Variants in GLRA3 observed in about 807,000 individuals in gnomAD.
The protein encoded by GLRA3 is glycine receptor subunit alpha-3.
In GLRA3, 44 loss-of-function variants were observed where a neutral mutation model predicts 60.4. That is an observed-to-expected ratio of 0.73 (90% CI 0.57 to 0.94). GLRA3 has a LOEUF of 0.94. Among genes scored for constraint, GLRA3 ranks in the 40% least tolerant of loss-of-function variants. The pLI is 0.00. For missense variants in GLRA3, 508 were observed against 564.6 expected, an observed-to-expected ratio of 0.90 and a Z score of 1.02; for synonymous variants, 223 against 192.9, an observed-to-expected ratio of 1.16 and a Z score of -1.29.
At chr4:174,746,283 A>G (rs1737242902) in intron 3 of GLRA3, among the ~76,000 whole-genome samples, 1 of 152,204 alleles carries the variant, frequency 6.6e-6, no homozygotes, top group African/African-American at 2.4e-5. Context: ...AAAATGTGTC[A>G]TATATACACC....
Position 174,822,043 on chromosome 4 carries a change from T to C in GLRA3, c.71+6698A>G, listed in dbSNP as rs188982562. On this transcript the variant is annotated intron_variant, in intron 1 of 9. Coordinates refer to ENST00000274093, the MANE Select transcript of GLRA3 (RefSeq NM_006529.4). Reference sequence around the variant, plus strand: ...GTAAAACAAAGACCAGAAATGATTCTATCCCCATGGGAGTTAAAATTTAGA... The same window carrying C: ...GTAAAACAAAGACCAGAAATGATTCCATCCCCATGGGAGTTAAAATTTAGA... Among the ~76,000 whole-genome samples, 7 of 152,330 alleles carry C rather than the reference T, an allele frequency of 4.6e-5. No homozygotes were observed. The East Asian group carries it at 1.2e-3, about 25-fold the overall frequency.
intron 5 of GLRA3, among the ~76,000 whole-genome samples, chr4:174,712,991 TGTGA>T (rs1735777317): frequency 1.9e-5 from 2 of 104,264 alleles, no homozygotes; most frequent in African/African-American, 2.9e-5. Flanking sequence ...GTATATTACA[TGTGA>T]GTGTGTGTAT....
intron 3 of GLRA3, among the ~76,000 whole-genome samples, chr4:174,729,340 T>C (rs1333896562): frequency 6.6e-6 from 1 of 152,340 alleles, no homozygotes. Flanking sequence ...AAAATGACCA[T>C]ATACACTTTT....
chr4:174,656,188 C>T (rs10018305), intron 9 of GLRA3, among the ~76,000 whole-genome samples: 45,435 of 151,898 alleles, frequency 0.3, 7,972 homozygotes, highest in Admixed American at 0.47. Context: ...TCTTTGTGAC[C>T]TCTTTTTATT....
chr4:174,674,044 A>G (rs1199762981), intron 7 of GLRA3, among the ~76,000 whole-genome samples: 1 of 152,088 alleles, frequency 6.6e-6, no homozygotes, highest in Non-Finnish European at 1.5e-5. Context: ...GTTGCTACCA[A>G]TCTTGCCAGA....
chr4:174,810,110 G>T (rs1259227434), intron 1 of GLRA3, among the ~76,000 whole-genome samples: 1 of 152,078 alleles, frequency 6.6e-6, no homozygotes, highest in Non-Finnish European at 1.5e-5. Flanking sequence ...CAGAATCTTT[G>T]GTCTCATGGA....
intron 3 of GLRA3, among the ~76,000 whole-genome samples, chr4:174,734,126 A>G (rs530072715): frequency 2.0e-5 from 3 of 152,196 alleles, no homozygotes; most frequent in Non-Finnish European, 4.4e-5. Flanking sequence ...GTTTTAAAAA[A>G]TCCTAATCAG....
intron 4 of GLRA3, chr4:174,722,655 T>A (rs879091209): frequency 6.3e-6 from 1 of 159,914 alleles, no homozygotes; most frequent in Non-Finnish European, 1.5e-5. Flanking sequence ...TTCCTTTTTT[T>A]AATGGGGTTT....
At chr4:174,685,064 G>A (rs67013670) in intron 5 of GLRA3, among the ~76,000 whole-genome samples, 64,210 of 151,910 alleles carry the variant, frequency 0.42, 14,103 homozygotes, top group Middle Eastern at 0.54. Flanking sequence ...AGGTCTGTGA[G>A]GCAGCACAGA....
At chr4:174,782,870 T>G (rs1220711809) in intron 2 of GLRA3, among the ~76,000 whole-genome samples, 2 of 152,066 alleles carry the variant, frequency 1.3e-5, no homozygotes, top group African/African-American at 4.8e-5. Flanking sequence ...GAAGAATCAA[T>G]ATCCTGAAAA....
intron 1 of GLRA3, among the ~76,000 whole-genome samples, chr4:174,800,317 T>G (rs2111339171): frequency 6.6e-6 from 1 of 152,244 alleles, no homozygotes; most frequent in Non-Finnish European, 1.5e-5. Flanking sequence ...TTAAGAAGAT[T>G]AATTTTAACT....
In GLRA3 at chr4:174,637,381, T is replaced by TCCC. The variant is rs544610925; in HGVS notation, c.*6402_*6404dup. ...GAATGTCAGGGTACTTCACTCTATTTCCCCCCCCATATTATCATTTATCAT... is the reference window on the plus strand; with the variant it reads ...GAATGTCAGGGTACTTCACTCTATTTCCCCCCCCCCCATATTATCATTTATCAT... On this transcript the variant is annotated 3_prime_UTR_variant, in exon 10 of 10. Transcript: ENST00000274093. 1.3e-5 allele frequency: 2 copies of TCCC among 151,644 alleles called. No homozygotes were observed. The highest frequency in any genetic ancestry group is 1.9e-4 in the East Asian group (1 of 5,152). 9.4% of individuals were successfully genotyped at this position (151,644 alleles called of 1,614,324 possible).
chr4:174,713,112 TAAAC>T (rs1735785336), intron 5 of GLRA3, among the ~76,000 whole-genome samples: 1 of 152,094 alleles, frequency 6.6e-6, no homozygotes, highest in Non-Finnish European at 1.5e-5. Flanking sequence ...AGAGGTTTAA[TAAAC>T]AAAGTCTCTA....
chr4:174,643,870 T>C lies in GLRA3; in HGVS notation c.1311A>G (p.Pro437=), dbSNP rs1040155477. The C allele has an allele frequency of 2.5e-6, 4 of 1,613,916 alleles. No homozygotes were observed. The highest frequency in any genetic ancestry group is 1.1e-5 in the South Asian group (1 of 91,088). The change falls in exon 10 of 10, where the codon CCA becomes CCG. Residue 437 remains proline, a synonymous_variant. Transcript: ENST00000274093. ...KIDTISRACF[P]LAFLIFNIFY... ...AAATATTAAAAATCAAAAAAGCTAA[T>C]GGGAAGCAGGCTCGGGAGATGGTAT...
At chr4:174,671,704 C>G (rs1388168077) in intron 7 of GLRA3, among the ~76,000 whole-genome samples, 1 of 152,072 alleles carries the variant, frequency 6.6e-6, no homozygotes, top group African/African-American at 2.4e-5. Flanking sequence ...GGCTGGAGTG[C>G]AGTGGTGCAA....
At chr4:174,798,987 T>G (rs919535049) in intron 1 of GLRA3, among the ~76,000 whole-genome samples, 4 of 152,260 alleles carry the variant, frequency 2.6e-5, no homozygotes, top group South Asian at 2.1e-4. Context: ...TAAAACTTGA[T>G]GGGCTACTAG....
intron 3 of GLRA3, among the ~76,000 whole-genome samples, chr4:174,737,516 T>TTTG (rs756415681): frequency 5.9e-4 from 72 of 122,684 alleles, no homozygotes; most frequent in Non-Finnish European, 8.3e-4. Context: ...TTTGTGGTTT[T>TTTG]TTGTTGTTGT....
intron 4 of GLRA3, among the ~76,000 whole-genome samples, chr4:174,720,189 T>C (rs1736079811): frequency 1.3e-5 from 2 of 152,168 alleles, no homozygotes; most frequent in African/African-American, 2.4e-5. Context: ...ATATCATATT[T>C]AACTGCCTAT....
rs1274189572 is a variant in GLRA3, at chr4:174,705,532, T to C, written c.574+9956A>G. On this transcript the variant is annotated intron_variant, in intron 5 of 9. Transcript: ENST00000274093. ...GTGTGCAGAAGACCTTGTGGTATCA[T>C]GACATGAGTTGAAAGTAGAACCTGG... 1.4e-5 allele frequency among the ~76,000 whole-genome samples: 2 copies of C among 144,382 alleles called. 1 individual carries two copies. Among genetic ancestry groups the C allele is most frequent in the Non-Finnish European group, 3.1e-5 (2 of 64,892 alleles). The allele number at this position is 144,382 out of a possible 152,430, so 94.7% of individuals were successfully genotyped here.
Sources: gnomAD v4.1 joint callset for allele counts (sites outside exome capture counted in the v4.1 genomes callset) on GRCh38, gnomAD v4.1.1 for gene constraint, MANE v1.5 for transcripts, NCBI Gene and HGNC (gene_info 2026-07-23, HGNC 2026-07-21) for gene names.